Variants in PREX1 observed in about 807,000 individuals in gnomAD.
PREX1 encodes the protein phosphatidylinositol 3,4,5-trisphosphate-dependent Rac exchanger 1 protein.
A neutral mutation model predicts 198.3 loss-of-function variants in PREX1; 41 were observed. That is an observed-to-expected ratio of 0.21 (90% CI 0.16 to 0.27). The LOEUF is 0.27. PREX1 is among the 10% of genes least tolerant of loss of function. The pLI, the probability that PREX1 is intolerant of heterozygous loss-of-function variation, is 1.00. For synonymous variants in PREX1, 843 were observed against 887.2 expected, an observed-to-expected ratio of 0.95 and a Z score of 0.89; for missense variants, 1,620 against 2,200.7, an observed-to-expected ratio of 0.74 and a Z score of 5.28.
the PREX1 span, among the ~76,000 whole-genome samples, chr20:48,856,258 C>A: frequency 6.6e-6 from 1 of 152,214 alleles, no homozygotes; most frequent in Non-Finnish European, 1.5e-5. Flanking sequence ...TGGCCCACAT[C>A]CATCCCAGAG....
At chr20:48,734,765 G>A (rs912804525) in intron 3 of PREX1, 115 bp from the exon 4 acceptor site, 2 of 796,166 alleles carry the variant, frequency 2.5e-6, no homozygotes, top group Non-Finnish European at 4.2e-6. Flanking sequence ...TGACCCAGGA[G>A]AAGCTACAGC....
chr20:48,722,615 G>T (rs2089991203), intron 5 of PREX1, among the ~76,000 whole-genome samples: 1 of 152,152 alleles, frequency 6.6e-6, no homozygotes, highest in African/African-American at 2.4e-5. Flanking sequence ...GTCTAGATGG[G>T]TAAACAAACG....
intron 3 of PREX1, among the ~76,000 whole-genome samples, chr20:48,737,424 C>A (rs1227808973): frequency 6.6e-6 from 1 of 151,962 alleles, no homozygotes; most frequent in Non-Finnish European, 1.5e-5. Context: ...ATCGGGACGG[C>A]GTTTTCATCT....
chr20:48,640,782 G>T (rs1344469424), intron 29 of PREX1, among the ~76,000 whole-genome samples: 1 of 151,844 alleles, frequency 6.6e-6, no homozygotes, highest in African/African-American at 2.4e-5. Context: ...TGGGTAGAAG[G>T]GTGAAAGAGT....
At chr20:48,763,285 G>T (rs1180134127) in intron 1 of PREX1, among the ~76,000 whole-genome samples, 1 of 152,270 alleles carries the variant, frequency 6.6e-6, no homozygotes, top group South Asian at 2.1e-4. Flanking sequence ...CCCATCTGGG[G>T]CCTGCATGGG....
At chr20:48,802,788 G>A (rs1438959428) in intron 1 of PREX1, among the ~76,000 whole-genome samples, 3 of 152,190 alleles carry the variant, frequency 2.0e-5, no homozygotes, top group Non-Finnish European at 4.4e-5. Flanking sequence ...GATTCCTGGA[G>A]CTCTAAGTAT....
intron 20 of PREX1, among the ~76,000 whole-genome samples, 194 bp from the exon 21 acceptor site, chr20:48,652,900 T>C (rs1657781160): frequency 6.6e-6 from 1 of 152,132 alleles, no homozygotes; most frequent in African/African-American, 2.4e-5. Flanking sequence ...GGCAGGGACA[T>C]GGGTGCAGAC....
intron 3 of PREX1, among the ~76,000 whole-genome samples, chr20:48,735,540 G>T (rs2090053611): frequency 6.6e-6 from 1 of 152,004 alleles, no homozygotes; most frequent in African/African-American, 2.4e-5. Flanking sequence ...CAGACACCCT[G>T]AGCCACAAAG....
chr20:48,726,243 C>T (rs1161612845), intron 5 of PREX1, 47 bp downstream of exon 5: 2 of 1,505,934 alleles, frequency 1.3e-6, no homozygotes, highest in South Asian at 2.3e-5. Flanking sequence ...TTATGTTATG[C>T]TGAAGCCAAA....
At chr20:48,707,664 C>T (rs371439987) in intron 6 of PREX1, among the ~76,000 whole-genome samples, 2 of 152,264 alleles carry the variant, frequency 1.3e-5, no homozygotes, top group African/African-American at 2.4e-5. Flanking sequence ...TTTCCTTCTA[C>T]GGATTCACAG....
chr20:48,717,544 G>T (rs1270868805), intron 5 of PREX1, among the ~76,000 whole-genome samples: 1 of 151,078 alleles, frequency 6.6e-6, no homozygotes, highest in East Asian at 1.9e-4. Context: ...AAAACATCTG[G>T]AAGTCCAAGA....
In PREX1 at chr20:48,632,609, C is replaced by T; in HGVS notation, c.4298G>A (p.Ser1433Asn). 1.9e-6 allele frequency: 3 copies of T among 1,613,952 alleles called. No individual in the cohort carries two copies. Among genetic ancestry groups the T allele is most frequent in the Non-Finnish European group, 2.5e-6 (3 of 1,179,888 alleles). The stretch of plus-strand genomic sequence containing the variant: ...GAAGATGACCTTCAGCGCCTGCCGG[C>T]TGCCCTCAATGTGGTAGAAGACGTT... ...NTNVFYHIEG[S>N]RQALKVIFYL... Residue 1433 changes from serine (S) to asparagine (N), a missense_variant, in exon 34 of 40, where the codon AGC becomes AAC. Physicochemically the swap from Ser to Asn is conservative, Grantham distance 46. Around this residue, in one of 7 missense-constraint regions of PREX1, gnomAD observed 476 missense variants for 603.4 expected, o/e 0.79. Coordinates refer to ENST00000371941, the MANE Select transcript of PREX1 (RefSeq NM_020820.4).
chr20:48,732,817 C>T (rs755035133), intron 4 of PREX1, among the ~76,000 whole-genome samples: 4 of 152,170 alleles, frequency 2.6e-5, no homozygotes, highest in Non-Finnish European at 4.4e-5. Context: ...ATGTGTGCAG[C>T]TTCCTGTTAC....
At chr20:48,651,250 G>T in intron 22 of PREX1, 146 bp downstream of exon 22, 1 of 1,332,274 alleles carries the variant, frequency 7.5e-7, no homozygotes, top group Non-Finnish European at 1.0e-6. Context: ...CTAGTGGTGG[G>T]ACAAGGACCA....
chr20:48,878,892 G>C, the PREX1 span, among the ~76,000 whole-genome samples: 1 of 152,180 alleles, frequency 6.6e-6, no homozygotes, highest in East Asian at 1.9e-4. Context: ...CTTTCTGTAT[G>C]TTGATATTAT....
chr20:48,790,498 T>C (rs2090333588), intron 1 of PREX1, among the ~76,000 whole-genome samples: 1 of 151,756 alleles, frequency 6.6e-6, no homozygotes, highest in Non-Finnish European at 1.5e-5. Flanking sequence ...GTCTTCAACA[T>C]GAGTGCGGAA....
At chr20:48,803,142 G>C (rs1275171767) in intron 1 of PREX1, among the ~76,000 whole-genome samples, 2 of 152,220 alleles carry the variant, frequency 1.3e-5, no homozygotes, top group African/African-American at 2.4e-5. Context: ...CCCCAGATAA[G>C]TAGGTAATAG....
chr20:48,725,380 G>A (rs113603345), intron 5 of PREX1, among the ~76,000 whole-genome samples: 5 of 152,318 alleles, frequency 3.3e-5, no homozygotes, highest in African/African-American at 4.8e-5. Flanking sequence ...CGGAAGAGCC[G>A]TCCCCTGGGC....
chr20:48,782,113 C>T (rs1346048220), intron 1 of PREX1, among the ~76,000 whole-genome samples: 1 of 152,186 alleles, frequency 6.6e-6, no homozygotes, highest in African/African-American at 2.4e-5. Flanking sequence ...TCTCAGGGTC[C>T]TCATGGGTGA....
Sources: allele counts gnomAD v4.1 joint callset (sites outside exome capture counted in the v4.1 genomes callset), GRCh38; gene constraint gnomAD v4.1.1; regional missense constraint gnomAD v4.1.1; transcripts MANE v1.5; gene names NCBI Gene and HGNC (gene_info 2026-07-23, HGNC 2026-07-21).